ADAMTS19: variants seen among roughly 807,000 people sequenced by gnomAD.
ADAMTS19 encodes A disintegrin and metalloproteinase with thrombospondin motifs 19.
In ADAMTS19, 93 loss-of-function variants were observed where a neutral mutation model predicts 153.3. The observed-to-expected ratio is 0.61, with a 90% CI of 0.51 to 0.72. The LOEUF is 0.72. Among genes scored for constraint, ADAMTS19 ranks in the 30% least tolerant of loss-of-function variants. ADAMTS19 has a pLI of 0.00. For missense variants in ADAMTS19, 1,482 were observed against 1,552.1 expected (o/e 0.95, Z 0.76); for synonymous variants, 600 against 556.6 (o/e 1.08, Z -1.10).
At chr5:129,621,519 A>G (rs11742295) in intron 9 of ADAMTS19, among the ~76,000 whole-genome samples, 12,256 of 152,272 alleles carry the variant, frequency 0.08, 592 homozygotes, top group Middle Eastern at 0.15. Context: ...TTAAATGGCT[A>G]TATGTACAAT....
chr5:129,663,111 G>C (rs1753889211), intron 15 of ADAMTS19, among the ~76,000 whole-genome samples: 2 of 151,980 alleles, frequency 1.3e-5, no homozygotes, highest in Admixed American at 6.6e-5. Flanking sequence ...AGCCAGGATG[G>C]TCTTGATCTC....
chr5:129,653,267 A>G (rs1753395300), intron 13 of ADAMTS19, among the ~76,000 whole-genome samples: 1 of 152,176 alleles, frequency 6.6e-6, no homozygotes, highest in South Asian at 2.1e-4. Flanking sequence ...ATAAACAGTA[A>G]AGGACCTGAC....
intron 2 of ADAMTS19, among the ~76,000 whole-genome samples, chr5:129,495,060 AT>A (rs912602283): frequency 6.6e-6 from 1 of 151,914 alleles, no homozygotes. Context: ...ATTGTTTTTT[AT>A]TTTTTTTAAA....
intron 6 of ADAMTS19, among the ~76,000 whole-genome samples, chr5:129,538,612 T>TCATCATATATATATATA (rs1325569619): frequency 1.3e-5 from 2 of 152,042 alleles, no homozygotes; most frequent in Non-Finnish European, 2.9e-5. Context: ...GTGATATATT[T>TCATCATATATATATATA]CATATATACA....
At chr5:129,714,211 A>C (rs1299987796) in intron 21 of ADAMTS19, among the ~76,000 whole-genome samples, 1 of 151,320 alleles carries the variant, frequency 6.6e-6, no homozygotes, top group African/African-American at 2.4e-5. Flanking sequence ...TGAGGTCAGG[A>C]GATCGAGACC....
intron 14 of ADAMTS19, among the ~76,000 whole-genome samples, chr5:129,658,307 GAA>G (rs1239991250): frequency 0.014 from 1,130 of 82,116 alleles, 63 homozygotes; most frequent in African/African-American, 0.058. Flanking sequence ...AAGAAAGAAA[GAA>G]AAAGAAAGAA....
rs1211576328 is a variant in ADAMTS19, at chr5:129,684,123, C to T, written c.2668C>T (p.Leu890Phe). The change falls in exon 18 of 23, where the codon CTC becomes TTC. Residue 890 changes from leucine to phenylalanine, a missense_variant. Around this residue, in one of 2 missense-constraint regions of ADAMTS19, gnomAD observed 616 missense variants for 724.4 expected, o/e 0.85. Coordinates refer to ENST00000274487, the MANE Select transcript of ADAMTS19 (RefSeq NM_133638.6). ...PTTAPLHLLV[L>F]LFQDQNYGLH... ...TGATCATTTTTGTATACTATAGGTG[C>T]TCCTGTTTCAGGATCAGAATTATGG... is the stretch of plus-strand genomic sequence containing the variant. 9.9e-6 allele frequency: 16 copies of T among 1,613,524 alleles called. No homozygotes were observed. The highest frequency in any genetic ancestry group is 1.4e-5 in the Non-Finnish European group (16 of 1,179,822).
chr5:129,673,982 G>A (rs1288059290), intron 16 of ADAMTS19, among the ~76,000 whole-genome samples: 2 of 152,104 alleles, frequency 1.3e-5, no homozygotes, highest in Admixed American at 6.6e-5. Context: ...TGTAATGCCA[G>A]CACTTTGGGA....
At position 129,585,629 on chromosome 5, in the gene ADAMTS19, A is replaced by T. The variant is rs573915025; in HGVS notation, c.1373-10930A>T. On this transcript the variant is annotated intron_variant, in intron 7 of 22. Transcript: ENST00000274487. Reference sequence around the variant, plus strand: ...ATGGCCAGTCTTCCTGGTGTTCTTCATTTCTTCCTGCATTTCCGTGTTTCA... The same window carrying T: ...ATGGCCAGTCTTCCTGGTGTTCTTCTTTTCTTCCTGCATTTCCGTGTTTCA... Among the ~76,000 whole-genome samples, 102 of 151,804 alleles carry T rather than the reference A, an allele frequency of 6.7e-4. 1 individual carries two copies. Among genetic ancestry groups the T allele is most frequent in the African/African-American group, 2.4e-3 (98 of 41,378 alleles).
intron 7 of ADAMTS19, among the ~76,000 whole-genome samples, chr5:129,584,368 G>A (rs920484996): frequency 1.4e-4 from 22 of 152,308 alleles, no homozygotes; most frequent in African/African-American, 4.8e-4. Flanking sequence ...CAGGAGGCAC[G>A]GGGGTCAGGG....
intron 10 of ADAMTS19, among the ~76,000 whole-genome samples, chr5:129,636,237 A>G (rs1752526514): frequency 6.6e-6 from 1 of 151,982 alleles, no homozygotes; most frequent in Admixed American, 6.6e-5. Flanking sequence ...GCCTTGGTTC[A>G]CTCTCCAGAG....
intron 17 of ADAMTS19, 80 bp from the exon 18 acceptor site, chr5:129,684,040 T>A (rs1754951641): frequency 7.1e-7 from 1 of 1,409,588 alleles, no homozygotes; most frequent in Non-Finnish European, 9.6e-7. Flanking sequence ...ATTTTAAGTA[T>A]CAATATTGTT....
At chr5:129,715,119 A>G (rs1367590202) in intron 21 of ADAMTS19, among the ~76,000 whole-genome samples, 3 of 152,214 alleles carry the variant, frequency 2.0e-5, no homozygotes, top group Admixed American at 1.3e-4. Flanking sequence ...ATGTTTCTAC[A>G]CAGATGTACA....
intron 3 of ADAMTS19, among the ~76,000 whole-genome samples, chr5:129,522,492 A>G (rs1484575431): frequency 1.3e-5 from 2 of 151,046 alleles, no homozygotes; most frequent in African/African-American, 4.9e-5. Context: ...GACTTGTTAT[A>G]TGATATAAAT....
chr5:129,555,622 A>T (rs1197957416), intron 7 of ADAMTS19, among the ~76,000 whole-genome samples: 1 of 152,188 alleles, frequency 6.6e-6, no homozygotes, highest in Non-Finnish European at 1.5e-5. Flanking sequence ...AAACTGTGAC[A>T]GTCGCAAAGC....
rs961968057 is a variant in ADAMTS19 at position 129,676,670 on chromosome 5, C to T, written c.2507-3094C>T. Among the ~76,000 whole-genome samples the T allele has an allele frequency of 1.1e-4, 16 of 152,262 alleles. No individual in the cohort carries two copies. The East Asian group carries it at 2.9e-3, about 28-fold the overall frequency. On this transcript the variant is annotated intron_variant, in intron 16 of 22. Coordinates refer to ENST00000274487, the MANE Select transcript of ADAMTS19 (RefSeq NM_133638.6). Reference sequence around the variant, plus strand: ...TTTCTAGTTATTTACCATAGGAGAGCTAATACAGTTTTAGTTATTCAATCA... The same window carrying T: ...TTTCTAGTTATTTACCATAGGAGAGTTAATACAGTTTTAGTTATTCAATCA...
intron 10 of ADAMTS19, among the ~76,000 whole-genome samples, chr5:129,630,733 G>T (rs1752249728): frequency 1.3e-5 from 2 of 151,966 alleles, no homozygotes; most frequent in South Asian, 4.1e-4. Context: ...ATTATTGTTT[G>T]AAATGTATCA....
intron 7 of ADAMTS19, among the ~76,000 whole-genome samples, chr5:129,552,228 CATT>C (rs1380728510): frequency 8.6e-5 from 13 of 151,672 alleles, no homozygotes; most frequent in Non-Finnish European, 5.9e-5. Flanking sequence ...ATATTAATGA[CATT>C]ATGTTTGACT....
rs1437276548 is a variant in ADAMTS19, at chr5:129,528,620, T to C, written c.1271T>C (p.Met424Thr). The C allele has an allele frequency of 1.2e-6, 2 of 1,606,620 alleles. No homozygotes were observed. The highest frequency in any genetic ancestry group is 1.7e-4 in the Middle Eastern group (1 of 6,036). The change falls in exon 6 of 23, where the codon ATG (methionine) becomes ACG (threonine). Residue 424 changes from methionine (M) to threonine (T), a missense_variant. Physicochemically the swap from Met to Thr is moderately conservative, Grantham distance 81. Around this residue, in one of 2 missense-constraint regions of ADAMTS19, gnomAD observed 866 missense variants for 827.7 expected, o/e 1.05. Coordinates refer to ENST00000274487, the MANE Select transcript of ADAMTS19 (RefSeq NM_133638.6). ...FGKKNDIHLE[M>T]STNWGEDMTS... The stretch of plus-strand genomic sequence containing the variant: ...AAAAAGAATGATATACATTTAGAGA[T>C]GTCAACAAACTGGGGGGAAGACATG...
Sources: gnomAD v4.1 joint callset for allele counts (sites outside exome capture counted in the v4.1 genomes callset) on GRCh38, gnomAD v4.1.1 for gene constraint, gnomAD v4.1.1 regional missense constraint, MANE v1.5 for transcripts, NCBI Gene and HGNC (gene_info 2026-07-23, HGNC 2026-07-21) for gene names.